The following RPRD1A variants were observed in gnomAD, a reference collection of about 807,000 sequenced individuals.
The protein encoded by RPRD1A is regulation of nuclear pre-mRNA domain-containing protein 1A.
A neutral mutation model predicts 37.8 loss-of-function variants in RPRD1A; 9 were observed. That is an observed-to-expected ratio of 0.24 (90% CI 0.14 to 0.42). The LOEUF is 0.42. Among genes scored for constraint, RPRD1A ranks in the 10% least tolerant of loss-of-function variants. The pLI is 1.00. For missense variants in RPRD1A, 255 were observed against 371.0 expected (o/e 0.69, Z 2.57); for synonymous variants, 138 against 139.7 (o/e 0.99, Z 0.08).
intron 1 of RPRD1A, among the ~76,000 whole-genome samples, chr18:36,057,967 T>C (rs1441516604): frequency 2.6e-5 from 4 of 152,240 alleles, no homozygotes; most frequent in Non-Finnish European, 1.5e-5. Context: ...TGTCCCTTTA[T>C]CTGCTCAATC....
chr18:36,019,414 G>A (rs1910838040), intron 6 of RPRD1A, among the ~76,000 whole-genome samples: 1 of 151,994 alleles, frequency 6.6e-6, no homozygotes, highest in Admixed American at 6.6e-5. Flanking sequence ...GCCCATTGAT[G>A]AGTTTCTAAA....
At chr18:36,025,757 T>C in intron 6 of RPRD1A, 1 of 633,716 alleles carries the variant, frequency 1.6e-6, no homozygotes, top group South Asian at 1.8e-5. Flanking sequence ...TTACTTACCC[T>C]TAATTCTGTG....
At chr18:35,995,261 G>GTTTTTTTTTTT (rs1232555714) in intron 6 of RPRD1A, among the ~76,000 whole-genome samples, 1 of 109,210 alleles carries the variant, frequency 9.2e-6, no homozygotes, top group Non-Finnish European at 1.9e-5. Context: ...GCTTTTTTTC[G>GTTTTTTTTTTT]TTTTTTTTTT....
At chr18:36,051,794 G>A (rs923061321) in intron 1 of RPRD1A, among the ~76,000 whole-genome samples, 1 of 152,152 alleles carries the variant, frequency 6.6e-6, no homozygotes, top group Non-Finnish European at 1.5e-5. Context: ...AAATTATTGA[G>A]TCTGAGGAGC....
chr18:36,056,387 A>G (rs565874405), intron 1 of RPRD1A, among the ~76,000 whole-genome samples: 1 of 152,088 alleles, frequency 6.6e-6, no homozygotes, highest in South Asian at 2.1e-4. Context: ...TCCCAGGTTC[A>G]AGCGATTCTC....
chr18:36,015,465 G>A (rs1210847116), intron 6 of RPRD1A, among the ~76,000 whole-genome samples: 12 of 152,086 alleles, frequency 7.9e-5, no homozygotes, highest in Admixed American at 7.9e-4. Flanking sequence ...CACCCACAAA[G>A]TACTGGGATT....
chr18:36,028,833 T>C (rs549393991), intron 4 of RPRD1A, among the ~76,000 whole-genome samples: 1 of 152,186 alleles, frequency 6.6e-6, no homozygotes, highest in Non-Finnish European at 1.5e-5. Flanking sequence ...ACGATCATTA[T>C]AAAACAAAGA....
rs151066475 is a variant in RPRD1A at position 36,059,394 on chromosome 18, T to C, written c.151+7860A>G. 5.4e-4 allele frequency among the ~76,000 whole-genome samples: 82 copies of C among 152,312 alleles called. 1 individual carries two copies. In the East Asian group the frequency reaches 0.015, roughly 28 times the overall value. ...CTCATGTGATCTGCCTGCCTCAGTC[T>C]CCCAAAGTGCTGGGATTACAGGCAT... On this transcript the variant is annotated intron_variant, in intron 1 of 6. Transcript: ENST00000399022.
intron 6 of RPRD1A, among the ~76,000 whole-genome samples, chr18:36,015,153 CACACAT>C (rs1423700584): frequency 2.8e-4 from 30 of 108,316 alleles, no homozygotes; most frequent in East Asian, 1.1e-3. Context: ...CACACACACA[CACACAT>C]ATATACACAT....
intron 1 of RPRD1A, among the ~76,000 whole-genome samples, chr18:36,034,695 G>A (rs1912066204): frequency 1.3e-5 from 2 of 152,148 alleles, no homozygotes; most frequent in African/African-American, 4.8e-5. Flanking sequence ...TAGTACAGTG[G>A]TGTAGGAAAC....
rs1911511886 is a variant in RPRD1A, at chr18:36,028,176, C to T, written c.487-866G>A. Reference sequence around the variant, plus strand: ...GATTCAGAAACACTAGGAAATTACACATATGCTTTAAAAAATATAGGATAT... The same window carrying T: ...GATTCAGAAACACTAGGAAATTACATATATGCTTTAAAAAATATAGGATAT... On this transcript the variant is annotated intron_variant, in intron 4 of 6. Transcript: ENST00000399022. 4 of 151,674 alleles carry T rather than the reference C, an allele frequency of 2.6e-5. No homozygotes were observed. The South Asian group carries it at 8.3e-4, about 31-fold the overall frequency. The allele number at this position is 151,674 out of a possible 1,614,324, so 9.4% of individuals were successfully genotyped here.
intron 6 of RPRD1A, among the ~76,000 whole-genome samples, chr18:36,024,451 CG>C (rs1911223808): frequency 6.6e-6 from 1 of 151,896 alleles, no homozygotes; most frequent in African/African-American, 2.4e-5. Context: ...CCACCACACC[CG>C]GCCCAACAGT....
chr18:36,015,256 A>T (rs1910468587), intron 6 of RPRD1A, among the ~76,000 whole-genome samples: 1 of 140,236 alleles, frequency 7.1e-6, no homozygotes, highest in African/African-American at 2.7e-5. Context: ...TCTGTCGCCC[A>T]GGCTAGAGTG....
rs148226171 is a variant in RPRD1A, at chr18:36,060,566, T to C, written c.151+6688A>G. 1.1e-4 allele frequency among the ~76,000 whole-genome samples: 17 copies of C among 152,364 alleles called. No individual in the cohort carries two copies. In the East Asian group the frequency reaches 3.1e-3, roughly 28 times the overall value. The stretch of plus-strand genomic sequence containing the variant: ...TTTAAGCCGTATTAGTGAATACGAA[T>C]GTTAATTCAACGAATATTTAAAAAC... On this transcript the variant is annotated intron_variant, in intron 1 of 6. Coordinates refer to ENST00000399022, the MANE Select transcript of RPRD1A (RefSeq NM_018170.5).
intron 6 of RPRD1A, among the ~76,000 whole-genome samples, chr18:36,021,126 T>G (rs1450734449): frequency 6.6e-6 from 1 of 152,232 alleles, no homozygotes; most frequent in African/African-American, 2.4e-5. Flanking sequence ...GTCACATGCT[T>G]CTTTGAAACA....
Position 36,067,317 on chromosome 18 carries a change from G to A in RPRD1A, c.88C>T (p.Leu30Phe). The A allele has an allele frequency of 6.2e-7, 1 of 1,607,700 alleles. No individual in the cohort carries two copies. Among genetic ancestry groups the A allele is most frequent in the Admixed American group, 1.7e-5 (1 of 59,092 alleles). Reference protein sequence around the residue: ...QQSVQTLSLWLIHHRKHSRPI... With the variant: ...QQSVQTLSLWFIHHRKHSRPI... Reference sequence around the variant, plus strand: ...CGCGAGTGTTTACGGTGGTGAATGAGCCACAGGGACAAGGTCTGCACGCTC... The same window carrying A: ...CGCGAGTGTTTACGGTGGTGAATGAACCACAGGGACAAGGTCTGCACGCTC... Residue 30 changes from leucine (L) to phenylalanine (F), a missense_variant, in exon 1 of 7, where the codon CTC becomes TTC. Transcript: ENST00000399022.
chr18:36,038,704 C>A (rs914636940), intron 1 of RPRD1A, among the ~76,000 whole-genome samples: 4 of 152,204 alleles, frequency 2.6e-5, no homozygotes, highest in African/African-American at 4.8e-5. Flanking sequence ...GGAAAAGTTA[C>A]AGGCAGTCAA....
chr18:36,014,345 G>A (rs1245344677), intron 6 of RPRD1A, among the ~76,000 whole-genome samples: 1 of 152,144 alleles, frequency 6.6e-6, no homozygotes, highest in Non-Finnish European at 1.5e-5. Flanking sequence ...CCAGTAAAAA[G>A]TCAGTTAGAT....
chr18:36,015,077 A>G (rs927953080), intron 6 of RPRD1A, among the ~76,000 whole-genome samples: 2 of 151,662 alleles, frequency 1.3e-5, no homozygotes, highest in Non-Finnish European at 2.9e-5. Flanking sequence ...TGTATAATCT[A>G]GCAATTCAAC....
Sources: allele counts gnomAD v4.1 joint callset (sites outside exome capture counted in the v4.1 genomes callset), GRCh38; gene constraint gnomAD v4.1.1; transcripts MANE v1.5; gene names NCBI Gene and HGNC (gene_info 2026-07-23, HGNC 2026-07-21).